The following PDZRN4 variants were observed in gnomAD, a reference collection of about 807,000 sequenced individuals.
The protein encoded by PDZRN4 is PDZ domain containing ring finger 4, also known as PDZ domain-containing RING finger protein 4.
In PDZRN4, 70 loss-of-function variants were observed where a neutral mutation model predicts 99.0. The observed-to-expected ratio is 0.71, with a 90% CI of 0.58 to 0.86. PDZRN4 has a LOEUF of 0.86. PDZRN4 is among the 40% of genes least tolerant of loss of function. The pLI, the probability that PDZRN4 is intolerant of heterozygous loss-of-function variation, is 0.00. For synonymous variants in PDZRN4, 551 were observed against 501.6 expected, an observed-to-expected ratio of 1.10 and a Z score of -1.32; for missense variants, 1,474 against 1,331.2, an observed-to-expected ratio of 1.11 and a Z score of -1.67.
chr12:41,219,708 C>T (rs1398635770), intron 3 of PDZRN4, among the ~76,000 whole-genome samples: 2 of 151,878 alleles, frequency 1.3e-5, no homozygotes, highest in Non-Finnish European at 2.9e-5. Context: ...GAAGAAGCAA[C>T]CTTGATATGA....
chr12:41,430,694 T>C (rs941077654), intron 3 of PDZRN4, among the ~76,000 whole-genome samples: 3 of 152,154 alleles, frequency 2.0e-5, no homozygotes, highest in African/African-American at 7.2e-5. Flanking sequence ...AACAGAAGTA[T>C]AAAATTTCAA....
chr12:41,365,443 C>G (rs1565563231), intron 3 of PDZRN4, among the ~76,000 whole-genome samples: 1 of 151,964 alleles, frequency 6.6e-6, no homozygotes, highest in Non-Finnish European at 1.5e-5. Flanking sequence ...AGACTCCCAA[C>G]CTCTCAGGCC....
At chr12:41,567,760 T>C (rs1939401034) in intron 8 of PDZRN4, 23 bp from the exon 9 acceptor site, 2 of 1,446,390 alleles carry the variant, frequency 1.4e-6, no homozygotes, top group Non-Finnish European at 9.7e-7. Flanking sequence ...CATAATATAA[T>C]GTACTAATGT....
intron 3 of PDZRN4, among the ~76,000 whole-genome samples, chr12:41,456,345 G>GTT (rs66821022): frequency 0.41 from 61,369 of 151,340 alleles, 12,860 homozygotes; most frequent in African/African-American, 0.53. Context: ...AGAATGAATG[G>GTT]TTGTTTATTC....
chr12:41,494,351 T>C (rs17129394), intron 3 of PDZRN4, among the ~76,000 whole-genome samples: 1,652 of 152,248 alleles, frequency 0.011, 30 homozygotes, highest in African/African-American at 0.037. Context: ...TTAAGTTATT[T>C]AGTTTTTTAA....
intron 3 of PDZRN4, among the ~76,000 whole-genome samples, chr12:41,476,522 T>C (rs1409954319): frequency 6.6e-6 from 1 of 152,188 alleles, no homozygotes; most frequent in East Asian, 1.9e-4. Context: ...TTAGCCCTCA[T>C]CTAATGTTTG....
At chr12:41,233,292 G>A (rs1212053320) in intron 3 of PDZRN4, among the ~76,000 whole-genome samples, 1 of 152,068 alleles carries the variant, frequency 6.6e-6, no homozygotes, top group East Asian at 1.9e-4. Flanking sequence ...GAAACAACAG[G>A]TGCTGGAGAG....
intron 3 of PDZRN4, among the ~76,000 whole-genome samples, chr12:41,381,628 A>G (rs1370255852): frequency 6.6e-6 from 1 of 151,728 alleles, no homozygotes; most frequent in Non-Finnish European, 1.5e-5. Context: ...AGTTTTGTTC[A>G]TTTATTGTTT....
At chr12:41,406,376 G>A (rs1398880650) in intron 3 of PDZRN4, among the ~76,000 whole-genome samples, 4 of 152,072 alleles carry the variant, frequency 2.6e-5, no homozygotes, top group Non-Finnish European at 5.9e-5. Flanking sequence ...AAAAATCAAC[G>A]CCTACTGTTG....
intron 3 of PDZRN4, among the ~76,000 whole-genome samples, chr12:41,209,148 A>G (rs1337051885): frequency 6.6e-6 from 1 of 151,868 alleles, no homozygotes; most frequent in Non-Finnish European, 1.5e-5. Context: ...ATACTACAGG[A>G]GTGGCTAACT....
intron 1 of PDZRN4, among the ~76,000 whole-genome samples, chr12:41,189,481 G>A (rs1184129087): frequency 6.6e-6 from 1 of 152,100 alleles, no homozygotes; most frequent in East Asian, 1.9e-4. Context: ...ATCCGAGAAG[G>A]AAAGACAGAA....
intron 3 of PDZRN4, among the ~76,000 whole-genome samples, chr12:41,482,034 A>G (rs1565594378): frequency 6.6e-6 from 1 of 152,100 alleles, no homozygotes; most frequent in Non-Finnish European, 1.5e-5. Flanking sequence ...TAAATAGAGG[A>G]CTTCAAATTC....
chr12:41,476,499 C>T (rs1223919801), intron 3 of PDZRN4, among the ~76,000 whole-genome samples: 3 of 152,164 alleles, frequency 2.0e-5, no homozygotes, highest in African/African-American at 4.8e-5. Flanking sequence ...TTGTTTGATA[C>T]TGCTTCACCC....
chr12:41,390,562 CAAAA>C (rs766893966), intron 3 of PDZRN4, among the ~76,000 whole-genome samples: 1 of 101,362 alleles, frequency 9.9e-6, no homozygotes, highest in Non-Finnish European at 2.0e-5. Context: ...AACTCCTAAG[CAAAA>C]AAAAAAAAAA....
chr12:41,345,896 GTATT>G (rs1427712394), intron 3 of PDZRN4, among the ~76,000 whole-genome samples: 1 of 151,974 alleles, frequency 6.6e-6, no homozygotes. Flanking sequence ...TGAATATCAA[GTATT>G]TAGAGTTCTG....
At chr12:41,454,668 T>A (rs1592065783) in intron 3 of PDZRN4, among the ~76,000 whole-genome samples, 4 of 152,306 alleles carry the variant, frequency 2.6e-5, no homozygotes, top group Admixed American at 2.6e-4. Flanking sequence ...ACTTTGACCA[T>A]AGGAATATAT....
chr12:41,204,688 AC>A (rs1372093201), intron 3 of PDZRN4, among the ~76,000 whole-genome samples: 2 of 151,894 alleles, frequency 1.3e-5, no homozygotes, highest in African/African-American at 4.8e-5. Context: ...TGGGGGAACC[AC>A]CCCCGTGATT....
intron 5 of PDZRN4, among the ~76,000 whole-genome samples, chr12:41,549,312 T>C (rs573805913): frequency 1.8e-4 from 27 of 152,310 alleles, no homozygotes; most frequent in African/African-American, 5.5e-4. Context: ...TTGTGTGTCC[T>C]GTGAAGGGAA....
chr12:41,346,255 G>A (rs570581347), intron 3 of PDZRN4, among the ~76,000 whole-genome samples: 2 of 152,288 alleles, frequency 1.3e-5, no homozygotes, highest in Admixed American at 1.3e-4. Flanking sequence ...GAGGTCAGGA[G>A]ATCGAGACCA....
Sources: allele counts gnomAD v4.1 joint callset (sites outside exome capture counted in the v4.1 genomes callset), GRCh38; gene constraint gnomAD v4.1.1; transcripts MANE v1.5; gene names NCBI Gene and HGNC (gene_info 2026-07-23, HGNC 2026-07-21).